Variants in RBFOX1 observed in about 807,000 individuals in gnomAD.
The protein encoded by RBFOX1 is RNA binding protein fox-1 homolog 1.
A neutral mutation model predicts 57.7 loss-of-function variants in RBFOX1; 8 were observed. The ratio of observed to expected loss-of-function variants is 0.14; its 90% CI spans 0.08 to 0.25. The LOEUF (loss-of-function observed/expected upper bound fraction) is 0.25, where lower values mean the gene tolerates loss of function less well. Ranked by LOEUF, RBFOX1 falls within the 10% of genes least tolerant of loss-of-function variation. The probability of loss-of-function intolerance (pLI) is 1.00; values close to 1 mark genes in which losing one functional copy is unlikely to be tolerated. For synonymous variants in RBFOX1, 326 were observed against 222.4 expected, an observed-to-expected ratio of 1.47 and a Z score of -4.15; for missense variants, 611 against 548.5, an observed-to-expected ratio of 1.11 and a Z score of -1.14.
chr16:5,573,384 C>A (rs900898745), intron 2 of RBFOX1, among the ~76,000 whole-genome samples: 2 of 152,228 alleles, frequency 1.3e-5, no homozygotes, highest in African/African-American at 4.8e-5. Context: ...CTGCCTATGT[C>A]ATGATCACTT....
At chr16:7,157,260 C>T (rs963379342) in intron 4 of RBFOX1, among the ~76,000 whole-genome samples, 1 of 152,188 alleles carries the variant, frequency 6.6e-6, no homozygotes, top group African/African-American at 2.4e-5. Context: ...GCTACCCAGG[C>T]TCTCAAAATG....
chr16:6,073,890 A>G (rs1210364699), intron 1 of RBFOX1, among the ~76,000 whole-genome samples: 1 of 152,146 alleles, frequency 6.6e-6, no homozygotes, highest in Non-Finnish European at 1.5e-5. Context: ...TGGAGGTGTT[A>G]CACTATGGGT....
intron 2 of RBFOX1, among the ~76,000 whole-genome samples, chr16:6,543,059 C>G (rs902845467): frequency 2.6e-5 from 4 of 152,136 alleles, no homozygotes; most frequent in Non-Finnish European, 4.4e-5. Flanking sequence ...CACATCCAAG[C>G]CAATTTTGAT....
chr16:7,067,325 T>G (rs1463376958), intron 4 of RBFOX1, among the ~76,000 whole-genome samples: 2 of 152,118 alleles, frequency 1.3e-5, no homozygotes, highest in Admixed American at 6.5e-5. Flanking sequence ...AATAGTGGTT[T>G]ATAGAACACA....
At chr16:7,013,592 C>T (rs2093756886) in intron 3 of RBFOX1, among the ~76,000 whole-genome samples, 1 of 152,148 alleles carries the variant, frequency 6.6e-6, no homozygotes, top group Admixed American at 6.5e-5. Flanking sequence ...CCTATCATTG[C>T]AACACAACTA....
At chr16:7,164,372 G>T (rs1375912516) in intron 4 of RBFOX1, among the ~76,000 whole-genome samples, 3 of 152,108 alleles carry the variant, frequency 2.0e-5, no homozygotes, top group Non-Finnish European at 2.9e-5. Context: ...TGGCTAATGG[G>T]CATTTGGGCT....
intron 3 of RBFOX1, among the ~76,000 whole-genome samples, chr16:6,846,424 C>G (rs1053542540): frequency 6.6e-6 from 1 of 152,098 alleles, no homozygotes; most frequent in African/African-American, 2.4e-5. Flanking sequence ...TGGACAAGGA[C>G]AAACAAGAGA....
rs2062808092 is a variant in RBFOX1 at position 6,880,934 on chromosome 16, G to A, written c.-15-171123G>A. Among the ~76,000 whole-genome samples, 4 of 152,180 alleles carry A rather than the reference G, an allele frequency of 2.6e-5. No homozygotes were observed. The South Asian group carries it at 8.3e-4, about 31-fold the overall frequency. On this transcript the variant is annotated intron_variant, in intron 3 of 15. Transcript: ENST00000550418. Reference sequence around the variant, plus strand: ...AGCAGAGTGACAAAAAGATGTAAATGCTACATTAGGAGATTCAATCTAATA... The same window carrying A: ...AGCAGAGTGACAAAAAGATGTAAATACTACATTAGGAGATTCAATCTAATA...
chr16:7,607,110 AT>A (rs2095312093), intron 9 of RBFOX1, among the ~76,000 whole-genome samples, 174 bp from the exon 10 acceptor site: 1 of 152,140 alleles, frequency 6.6e-6, no homozygotes, highest in African/African-American at 2.4e-5. Context: ...AAGGGCATAA[AT>A]ATATTTTCTT....
At chr16:5,386,125 G>A (rs1231506562) in intron 1 of RBFOX1, among the ~76,000 whole-genome samples, 7 of 151,482 alleles carry the variant, frequency 4.6e-5, no homozygotes, top group Admixed American at 3.9e-4. Flanking sequence ...TTTTTGGAGG[G>A]GGAGTTTATT....
chr16:5,521,430 A>G (rs1408934565), intron 2 of RBFOX1, among the ~76,000 whole-genome samples: 1 of 152,110 alleles, frequency 6.6e-6, no homozygotes, highest in Non-Finnish European at 1.5e-5. Flanking sequence ...AGGATCCCAA[A>G]TCATTTCTTA....
intron 4 of RBFOX1, among the ~76,000 whole-genome samples, chr16:7,196,274 T>G (rs2152685363): frequency 6.6e-6 from 1 of 152,306 alleles, no homozygotes; most frequent in Admixed American, 6.5e-5. Context: ...AATGTTCTTG[T>G]TATCGACTGT....
At chr16:6,786,424 T>C (rs768922080) in intron 3 of RBFOX1, among the ~76,000 whole-genome samples, 3 of 151,996 alleles carry the variant, frequency 2.0e-5, no homozygotes, top group Admixed American at 6.6e-5. Flanking sequence ...TTTCAGGAGG[T>C]AGATCAAGTG....
At chr16:5,775,449 G>A (rs933124406) in intron 3 of RBFOX1, among the ~76,000 whole-genome samples, 1 of 152,164 alleles carries the variant, frequency 6.6e-6, no homozygotes, top group Non-Finnish European at 1.5e-5. Context: ...AGAAGGCAGG[G>A]GAAAGTAACA....
At chr16:6,961,349 C>G (rs1260894570) in intron 3 of RBFOX1, among the ~76,000 whole-genome samples, 3 of 152,128 alleles carry the variant, frequency 2.0e-5, no homozygotes, top group Non-Finnish European at 4.4e-5. Context: ...TGCGTCCACT[C>G]CAGACCGTGT....
intron 2 of RBFOX1, among the ~76,000 whole-genome samples, chr16:6,441,280 A>G (rs550227624): frequency 6.6e-6 from 1 of 152,240 alleles, no homozygotes; most frequent in East Asian, 1.9e-4. Context: ...CTGGGGAACA[A>G]ATAGGACCCA....
intron 4 of RBFOX1, among the ~76,000 whole-genome samples, chr16:7,061,278 A>G (rs948046229): frequency 1.3e-5 from 2 of 152,332 alleles, no homozygotes; most frequent in East Asian, 3.9e-4. Context: ...TGTTTTTTAA[A>G]TGTCATCTTC....
intron 1 of RBFOX1, among the ~76,000 whole-genome samples, chr16:6,287,942 T>A (rs957322766): frequency 1.3e-5 from 2 of 152,190 alleles, no homozygotes; most frequent in Non-Finnish European, 2.9e-5. Context: ...TAAGTTTTGA[T>A]ATCTTGCTAA....
At chr16:7,100,887 G>A (rs980248222) in intron 4 of RBFOX1, among the ~76,000 whole-genome samples, 3 of 152,124 alleles carry the variant, frequency 2.0e-5, no homozygotes, top group African/African-American at 7.2e-5. Flanking sequence ...AAGTTAAACT[G>A]CTAAACATTT....
Sources: allele counts gnomAD v4.1 joint callset (sites outside exome capture counted in the v4.1 genomes callset), GRCh38; gene constraint gnomAD v4.1.1; transcripts MANE v1.5; gene names NCBI Gene and HGNC (gene_info 2026-07-23, HGNC 2026-07-21).